The following RPTOR variants were observed in gnomAD, a reference collection of about 807,000 sequenced individuals.
RPTOR encodes the protein regulatory associated protein of MTOR complex 1, also known as regulatory-associated protein of mTOR.
A neutral mutation model predicts 169.9 loss-of-function variants in RPTOR; 21 were observed. That is an observed-to-expected ratio of 0.12 (90% CI 0.09 to 0.18). The LOEUF is 0.18. Ranked by LOEUF, RPTOR falls within the 10% of genes least tolerant of loss-of-function variation. The probability of loss-of-function intolerance (pLI) is 1.00; values close to 1 mark genes in which losing one functional copy is unlikely to be tolerated. For synonymous variants in RPTOR, 732 were observed against 753.2 expected (o/e 0.97, Z 0.46); for missense variants, 1,133 against 1,855.9 (o/e 0.61, Z 7.16).
At chr17:80,690,984 AG>A (rs2065986545) in intron 3 of RPTOR, among the ~76,000 whole-genome samples, 1 of 152,114 alleles carries the variant, frequency 6.6e-6, no homozygotes, top group Admixed American at 6.5e-5. Flanking sequence ...TTGTAGAAAC[AG>A]GGTTTTGCTA....
intron 7 of RPTOR, among the ~76,000 whole-genome samples, chr17:80,798,980 C>T (rs1007434277): frequency 1.3e-5 from 2 of 152,144 alleles, no homozygotes; most frequent in African/African-American, 4.8e-5. Context: ...AAAACGTACA[C>T]AGTCATCCAT....
Position 80,734,202 on chromosome 17 carries a change from C to T in RPTOR, c.654+3496C>T, listed in dbSNP as rs76539039. On this transcript the variant is annotated intron_variant, in intron 5 of 33. Coordinates refer to ENST00000306801, the MANE Select transcript of RPTOR (RefSeq NM_020761.3). ...CCTCTTTTCTTCTTGAATTACCTAT[C>T]GTTACCACTTCCTCCACTGATAGAT... is the stretch of plus-strand genomic sequence containing the variant. 9.8e-3 allele frequency among the ~76,000 whole-genome samples: 1,490 copies of T among 152,280 alleles called. 14 individuals carry two copies. Among genetic ancestry groups the T allele is most frequent in the Middle Eastern group, 0.044 (13 of 294 alleles).
At chr17:80,862,562 C>G (rs2067929880) in intron 13 of RPTOR, among the ~76,000 whole-genome samples, 1 of 150,596 alleles carries the variant, frequency 6.6e-6, no homozygotes, top group African/African-American at 2.5e-5. Flanking sequence ...ACCATGATGT[C>G]TGCTCCGCCC....
At chr17:80,653,787 A>G (rs2065658902) in intron 3 of RPTOR, among the ~76,000 whole-genome samples, 1 of 152,082 alleles carries the variant, frequency 6.6e-6, no homozygotes. Flanking sequence ...TGATGTAGTC[A>G]TCTTTGATGG....
chr17:80,823,858 C>G lies in RPTOR; in HGVS notation c.1136+635C>G, dbSNP rs1289335534. On this transcript the variant is annotated intron_variant, in intron 9 of 33. Transcript: ENST00000306801. The surrounding 1 kb of genome is among the most constrained non-coding windows in gnomAD (Gnocchi z 4.5). ...TCTGTTCTGTGGCTGTCCTAACAAGCAGGTTTGGGCAAATTCTAAAATGGT... is the reference window on the plus strand; with the variant it reads ...TCTGTTCTGTGGCTGTCCTAACAAGGAGGTTTGGGCAAATTCTAAAATGGT... 1.3e-5 allele frequency among the ~76,000 whole-genome samples: 2 copies of G among 152,184 alleles called. No homozygotes were observed. Among genetic ancestry groups the G allele is most frequent in the African/African-American group, 2.4e-5 (1 of 41,442 alleles).
chr17:80,884,386 G>A (rs916590547), intron 16 of RPTOR, among the ~76,000 whole-genome samples: 2 of 152,180 alleles, frequency 1.3e-5, no homozygotes, highest in African/African-American at 4.8e-5. Context: ...CAGAGTGGCC[G>A]CGGGCTGGAA....
intron 6 of RPTOR, among the ~76,000 whole-genome samples, chr17:80,786,751 T>C (rs1394792531): frequency 5.9e-5 from 9 of 152,200 alleles, no homozygotes; most frequent in Admixed American, 5.9e-4. Context: ...ATACATCAGG[T>C]TGGGTTACAG....
intron 6 of RPTOR, among the ~76,000 whole-genome samples, chr17:80,766,839 A>G (rs2066792638): frequency 6.6e-6 from 1 of 152,214 alleles, no homozygotes; most frequent in South Asian, 2.1e-4. Flanking sequence ...AGTCCAGAAA[A>G]AAAAGAATAC....
chr17:80,700,503 T>G (rs2066078754), intron 3 of RPTOR, among the ~76,000 whole-genome samples: 2 of 136,100 alleles, frequency 1.5e-5, no homozygotes, highest in South Asian at 2.4e-4. Context: ...ATGGTAGAGA[T>G]GATGGTGATG....
chr17:80,623,826 G>A (rs949040594), intron 1 of RPTOR, among the ~76,000 whole-genome samples: 1 of 152,082 alleles, frequency 6.6e-6, no homozygotes. Flanking sequence ...GTGAGCCACC[G>A]TGCCCAGCCT....
chr17:80,821,291 C>T (rs2143610872), intron 7 of RPTOR, among the ~76,000 whole-genome samples: 1 of 152,350 alleles, frequency 6.6e-6, no homozygotes, highest in East Asian at 1.9e-4. Flanking sequence ...CTTAGCTACC[C>T]TGTGTTACTG....
In RPTOR at chr17:80,747,358, G is replaced by T. The variant is rs189876270; in HGVS notation, c.655-6652G>T. On this transcript the variant is annotated intron_variant, in intron 5 of 33. Coordinates refer to ENST00000306801, the MANE Select transcript of RPTOR (RefSeq NM_020761.3). Reference sequence around the variant, plus strand: ...GCTTCCTCCTGGGCCTGGCAGACAGGTACCAGGTGAGTGGAGCACTGTCAT... The same window carrying T: ...GCTTCCTCCTGGGCCTGGCAGACAGTTACCAGGTGAGTGGAGCACTGTCAT... Among the ~76,000 whole-genome samples the T allele has an allele frequency of 4.3e-4, 65 of 152,318 alleles. 2 individuals are homozygous for T. Among genetic ancestry groups the T allele is most frequent in the Admixed American group, 3.7e-3 (57 of 15,298 alleles).
intron 20 of RPTOR, among the ~76,000 whole-genome samples, chr17:80,903,563 T>C (rs2068503533): frequency 6.6e-6 from 1 of 152,224 alleles, no homozygotes; most frequent in Admixed American, 6.5e-5. Context: ...TTTTAATGTT[T>C]CTTAAAGACG....
intron 6 of RPTOR, among the ~76,000 whole-genome samples, chr17:80,790,962 G>A (rs1486341762): frequency 3.3e-5 from 5 of 152,154 alleles, no homozygotes; most frequent in Admixed American, 6.5e-5. Flanking sequence ...ATGGACCTGC[G>A]TCAGACATGA....
chr17:80,871,714 T>C (rs1282861416), intron 13 of RPTOR, among the ~76,000 whole-genome samples: 1 of 152,262 alleles, frequency 6.6e-6, no homozygotes, highest in African/African-American at 2.4e-5. Context: ...TAATTTCCTC[T>C]TGTTATTTAT....
intron 4 of RPTOR, among the ~76,000 whole-genome samples, chr17:80,715,489 A>T (rs896477662): frequency 1.3e-5 from 2 of 152,044 alleles, no homozygotes; most frequent in African/African-American, 4.8e-5. Context: ...TTACTGCTAC[A>T]TTCCAAGCTC....
chr17:80,645,866 A>G (rs2065591672), intron 3 of RPTOR, among the ~76,000 whole-genome samples: 1 of 152,220 alleles, frequency 6.6e-6, no homozygotes, highest in South Asian at 2.1e-4. Context: ...TCGGACAGCG[A>G]GCACAGGTGC....
rs561334630 is a variant in RPTOR at position 80,682,108 on chromosome 17, C to A, written c.349-25733C>A. On this transcript the variant is annotated intron_variant, in intron 3 of 33. Transcript: ENST00000306801. ...CATGTGGTGAAAGATGTGATTAGGTCCCCCCCCCCACCCCAAACAAAGTCT... is the reference window on the plus strand; with the variant it reads ...CATGTGGTGAAAGATGTGATTAGGTACCCCCCCCCACCCCAAACAAAGTCT... Among the ~76,000 whole-genome samples, 152 of 58,086 alleles carry A rather than the reference C, an allele frequency of 2.6e-3. No homozygotes were observed. The East Asian group carries it at 0.072, about 28-fold the overall frequency. 38.1% of individuals were successfully genotyped at this position (58,086 alleles called of 152,430 possible).
chr17:80,762,282 T>C (rs1414273944), intron 6 of RPTOR, among the ~76,000 whole-genome samples: 1 of 151,140 alleles, frequency 6.6e-6, no homozygotes, highest in Non-Finnish European at 1.5e-5. Context: ...CAGGAAAGAG[T>C]GAGATTGATG....
Sources: gnomAD v4.1 joint callset for allele counts (sites outside exome capture counted in the v4.1 genomes callset) on GRCh38, gnomAD v4.1.1 for gene constraint, Gnocchi (gnomAD v3.1) non-coding constraint, MANE v1.5 for transcripts, NCBI Gene and HGNC (gene_info 2026-07-23, HGNC 2026-07-21) for gene names.